Variants in DTNA observed in about 807,000 individuals in gnomAD.
The protein encoded by DTNA is dystrobrevin alpha, also known as dystrophin-related protein 3.
A neutral mutation model predicts 100.7 loss-of-function variants in DTNA; 43 were observed. The observed-to-expected ratio is 0.43, with a 90% CI of 0.33 to 0.55. The LOEUF is 0.55. DTNA is among the 20% of genes least tolerant of loss of function. The pLI, the probability that DTNA is intolerant of heterozygous loss-of-function variation, is 0.04. For synonymous variants in DTNA, 349 were observed against 347.9 expected, an observed-to-expected ratio of 1.00 and a Z score of -0.04; for missense variants, 798 against 953.9, an observed-to-expected ratio of 0.84 and a Z score of 2.15.
intron 17 of DTNA, among the ~76,000 whole-genome samples, 186 bp downstream of exon 17, chr18:34,864,248 CTTTTTTTTTTTT>C (rs555273655): frequency 1.6e-5 from 2 of 127,420 alleles, no homozygotes; most frequent in African/African-American, 6.0e-5. Flanking sequence ...AGAACACATT[CTTTTTTTTTTTT>C]TTTTTTTTGA....
At chr18:34,573,152 G>T (rs1188774495) in intron 1 of DTNA, among the ~76,000 whole-genome samples, 2 of 152,170 alleles carry the variant, frequency 1.3e-5, no homozygotes, top group Non-Finnish European at 2.9e-5. Flanking sequence ...GGCAACTCCT[G>T]TTTAGCTTCT....
At chr18:34,681,731 C>CACACACACACACACACACACACA (rs1491407771) in intron 1 of DTNA, among the ~76,000 whole-genome samples, 37 of 148,152 alleles carry the variant, frequency 2.5e-4, no homozygotes, top group African/African-American at 9.4e-4. Context: ...CACACACACA[C>CACACACACACACACACACACACA]CCCACACACA....
intron 1 of DTNA, among the ~76,000 whole-genome samples, chr18:34,742,327 AAAATT>A (rs1161846863): frequency 6.6e-6 from 1 of 152,146 alleles, no homozygotes; most frequent in Non-Finnish European, 1.5e-5. Context: ...TTACTGTACT[AAAATT>A]AGAGTGTTGG....
intron 1 of DTNA, among the ~76,000 whole-genome samples, chr18:34,510,622 CTTTTTTT>C (rs1027138316): frequency 2.2e-5 from 2 of 92,842 alleles, no homozygotes; most frequent in Non-Finnish European, 4.5e-5. Flanking sequence ...ACTGGCCATT[CTTTTTTT>C]TTTTTTTTTT....
intron 17 of DTNA, among the ~76,000 whole-genome samples, chr18:34,874,944 T>C (rs140030404): frequency 6.6e-6 from 1 of 152,324 alleles, no homozygotes; most frequent in Admixed American, 6.5e-5. Context: ...ACCTTGTAAT[T>C]ATCTGCATTT....
intron 1 of DTNA, among the ~76,000 whole-genome samples, chr18:34,702,326 G>A (rs550688192): frequency 1.4e-4 from 21 of 152,186 alleles, no homozygotes; most frequent in East Asian, 1.4e-3. Flanking sequence ...AAATTATCAC[G>A]TGAAGCTGCG....
At chr18:34,671,682 C>G (rs1055697878) in intron 1 of DTNA, among the ~76,000 whole-genome samples, 1 of 152,172 alleles carries the variant, frequency 6.6e-6, no homozygotes, top group African/African-American at 2.4e-5. Flanking sequence ...AGAGTTCCTA[C>G]AAAATCTTTT....
intron 13 of DTNA, among the ~76,000 whole-genome samples, chr18:34,847,240 A>G (rs2096396103): frequency 6.6e-6 from 1 of 152,206 alleles, no homozygotes; most frequent in African/African-American, 2.4e-5. Context: ...AGGGACTCAG[A>G]TCATCCTTAT....
intron 1 of DTNA, among the ~76,000 whole-genome samples, chr18:34,726,944 G>A (rs2086846945): frequency 6.6e-6 from 1 of 152,202 alleles, no homozygotes; most frequent in Non-Finnish European, 1.5e-5. Context: ...CCTGCGGCAA[G>A]CACCAAGGCT....
chr18:34,868,976 T>C (rs1017179251), intron 17 of DTNA, among the ~76,000 whole-genome samples: 2 of 152,198 alleles, frequency 1.3e-5, no homozygotes, highest in Non-Finnish European at 2.9e-5. Context: ...CCAAATATTA[T>C]GTACCAGTCT....
chr18:34,872,723 C>T (rs2096777522), intron 17 of DTNA, among the ~76,000 whole-genome samples: 1 of 152,208 alleles, frequency 6.6e-6, no homozygotes, highest in Non-Finnish European at 1.5e-5. Context: ...TTGCCTGGCC[C>T]AGTAGCAGGA....
At chr18:34,867,541 G>A in intron 17 of DTNA, 1 of 1,140,616 alleles carries the variant, frequency 8.8e-7, no homozygotes, top group Non-Finnish European at 1.1e-6. Flanking sequence ...CTCTGCAAAT[G>A]GCTTCTTTCC....
intron 1 of DTNA, among the ~76,000 whole-genome samples, chr18:34,601,438 A>G (rs1567988976): frequency 6.6e-6 from 1 of 151,776 alleles, no homozygotes; most frequent in African/African-American, 2.4e-5. Flanking sequence ...CTAGTCCTCA[A>G]CTCCTTCCAG....
chr18:34,802,911 A>C (rs1311077737), intron 4 of DTNA, among the ~76,000 whole-genome samples: 5 of 152,146 alleles, frequency 3.3e-5, no homozygotes, highest in African/African-American at 1.2e-4. Flanking sequence ...ATATTTTTTA[A>C]AGGCCCCCTC....
intron 17 of DTNA, chr18:34,868,618 A>ATAAG (rs1304344527): frequency 8.1e-6 from 8 of 985,462 alleles, no homozygotes; most frequent in Non-Finnish European, 9.6e-6. Context: ...TTGCTTTATC[A>ATAAG]TAAGTCTGTG....
rs201510095 is a variant in DTNA at position 34,792,414 on chromosome 18, CA to C, written c.149-1619del. ...GAAACCATAGATCTGTTCTGAAAAG[CA>C]AAAGTAAGAGAGAAGTCAAGAAAAA... is the stretch of plus-strand genomic sequence containing the variant. On this transcript the variant is annotated intron_variant, in intron 3 of 22. Transcript: ENST00000444659. 7.2e-5 allele frequency among the ~76,000 whole-genome samples: 11 copies of C among 151,970 alleles called. No homozygotes were observed. The East Asian group carries it at 1.9e-3, about 27-fold the overall frequency.
chr18:34,832,146 T>C (rs2096025785), intron 11 of DTNA, among the ~76,000 whole-genome samples: 1 of 152,226 alleles, frequency 6.6e-6, no homozygotes, highest in Non-Finnish European at 1.5e-5. Flanking sequence ...GTTTTCTTCA[T>C]AGCTAATTTT....
chr18:34,813,767 G>T lies in DTNA; in HGVS notation c.603+1654G>T, dbSNP rs8085723. On this transcript the variant is annotated intron_variant, in intron 6 of 22. Coordinates refer to ENST00000444659, the MANE Select transcript of DTNA (RefSeq NM_001386795.1). ...AGAAGCAGGAGAATTGCTTGAACCC[G>T]TGAGGCAGAGGTTGCAGTGAGCCAA... 4.6e-3 allele frequency among the ~76,000 whole-genome samples: 689 copies of T among 150,136 alleles called. 6 individuals carry two copies. Among genetic ancestry groups the T allele is most frequent in the African/African-American group, 0.016 (644 of 40,806 alleles).
intron 1 of DTNA, among the ~76,000 whole-genome samples, chr18:34,498,442 T>TATTATAATA (rs1555783601): frequency 4.9e-5 from 7 of 141,850 alleles, no homozygotes; most frequent in Non-Finnish European, 1.1e-4. Flanking sequence ...CAGAAAATAA[T>TATTATAATA]ATAATAATAA....
Sources: allele counts gnomAD v4.1 joint callset (sites outside exome capture counted in the v4.1 genomes callset), GRCh38; gene constraint gnomAD v4.1.1; transcripts MANE v1.5; gene names NCBI Gene and HGNC (gene_info 2026-07-23, HGNC 2026-07-21).